The following MORF4L1 variants were observed in gnomAD, a reference collection of about 807,000 sequenced individuals.
The protein encoded by MORF4L1 is mortality factor 4-like protein 1.
Under a neutral mutation model 52.9 loss-of-function variants are expected in MORF4L1, and 4 were observed. The ratio of observed to expected loss-of-function variants is 0.08; its 90% CI spans 0.04 to 0.17. The LOEUF (loss-of-function observed/expected upper bound fraction) is 0.17, where lower values mean the gene tolerates loss of function less well. MORF4L1 is among the 10% of genes least tolerant of loss of function. The probability of loss-of-function intolerance (pLI) is 1.00; values close to 1 mark genes in which losing one functional copy is unlikely to be tolerated. For missense variants in MORF4L1, 214 were observed against 390.4 expected (o/e 0.55, Z 3.81); for synonymous variants, 123 against 134.8 (o/e 0.91, Z 0.61).
At position 78,887,141 on chromosome 15, in the gene MORF4L1, T is replaced by C. The variant is rs138116972; in HGVS notation, c.243-128T>C. ...GTTTTGTTTGATTTTTGTGGAAATA[T>C]CTCTGTCCAACTTGTTAAAAACTTG... On this transcript the variant is annotated intron_variant, in intron 4 of 11. Coordinates refer to ENST00000426013, the MANE Select transcript of MORF4L1 (RefSeq NM_006791.4). The C allele has an allele frequency of 4.2e-5, 30 of 721,620 alleles. No individual in the cohort carries two copies. In the South Asian group the frequency reaches 4.5e-4, roughly 11 times the overall value. The allele number at this position is 721,620 out of a possible 1,614,324, so 44.7% of individuals were successfully genotyped here.
At chr15:78,888,450 GAAAA>G (rs200295595) in intron 5 of MORF4L1, among the ~76,000 whole-genome samples, 1 of 136,670 alleles carries the variant, frequency 7.3e-6, no homozygotes, top group Admixed American at 7.2e-5. Context: ...CTTTTAAAAA[GAAAA>G]AAAAAAAAGT....
chr15:78,892,416 AT>A, intron 8 of MORF4L1, 103 bp downstream of exon 8: 1 of 652,034 alleles, frequency 1.5e-6, no homozygotes. Flanking sequence ...TTATTAAGGT[AT>A]GACTGATAAA....
intron 11 of MORF4L1, among the ~76,000 whole-genome samples, chr15:78,896,209 C>T (rs560242819): frequency 3.9e-5 from 6 of 152,108 alleles, no homozygotes; most frequent in African/African-American, 7.2e-5. Context: ...GAACTCCTGG[C>T]CTCAAATTTT....
rs71148578 is a variant in MORF4L1 at position 78,896,308 on chromosome 15, C to CTTTTTTTTTTTTT, written c.888-664_888-652dup. On this transcript the variant is annotated intron_variant, in intron 11 of 11. Transcript: ENST00000426013. The stretch of plus-strand genomic sequence containing the variant: ...ATTTTTTTCTTTTTTCTTTTCTTTT[C>CTTTTTTTTTTTTT]TTTTTTTTTTTTTTTTTTTTTTTGA... Among the ~76,000 whole-genome samples, 27 of 81,444 alleles carry CTTTTTTTTTTTTT rather than the reference C, an allele frequency of 3.3e-4. No individual in the cohort carries two copies. In the East Asian group the frequency reaches 6.0e-3, roughly 18 times the overall value. The allele number at this position is 81,444 out of a possible 152,430, so 53.4% of individuals were successfully genotyped here.
chr15:78,891,248 G>C, intron 6 of MORF4L1: 1 of 665,662 alleles, frequency 1.5e-6, no homozygotes, highest in Non-Finnish European at 2.6e-6. Context: ...CCACTGAGAA[G>C]ATAACATTTA....
At chr15:78,881,188 CCTTT>C (rs1471609290) in intron 3 of MORF4L1, among the ~76,000 whole-genome samples, 4 of 13,760 alleles carry the variant, frequency 2.9e-4, no homozygotes, top group Non-Finnish European at 4.0e-4. Context: ...AAGAGTTAAG[CCTTT>C]TTTTTTTTTT....
Position 78,891,515 on chromosome 15 carries a change from T to C in MORF4L1, c.381T>C (p.Ser127=). 1 of 1,614,132 alleles carries C rather than the reference T, an allele frequency of 6.2e-7. No individual in the cohort carries two copies. The highest frequency in any genetic ancestry group is 1.3e-5 in the African/African-American group (1 of 75,032). The part of the protein sequence containing the change: ...TPGNGDGGST[S]ETPQPPRKKR... ...GAAATGGAGATGGTGGCAGTACCAG[T>C]GAGACCCCTCAGCCTCCTCGGAAGA... Residue 127 remains serine, a synonymous_variant, in exon 7 of 12, where the codon AGT becomes AGC. Transcript: ENST00000426013.
In MORF4L1 at chr15:78,892,191, ACTC is replaced by A. The variant is rs766979493; in HGVS notation, c.439-15_439-13del. On this transcript the variant is annotated intron_variant, in intron 7 of 11. Transcript: ENST00000426013. Reference sequence around the variant, plus strand: ...TAGCAAGAAAGGTTAGGTTTTTAATACTCCTCCTGTTTCTGTTTAGGAGGAAAC... The same window carrying A: ...TAGCAAGAAAGGTTAGGTTTTTAATACTCCTGTTTCTGTTTAGGAGGAAAC... 7 of 1,545,684 alleles carry A rather than the reference ACTC, an allele frequency of 4.5e-6. No homozygotes were observed. Among genetic ancestry groups the A allele is most frequent in the Admixed American group, 1.7e-5 (1 of 57,944 alleles).
rs757341495 is a variant in MORF4L1 at position 78,894,106 on chromosome 15, C to T, written c.678C>T (p.Asn226=). 19 of 1,613,476 alleles carry T rather than the reference C, an allele frequency of 1.2e-5. No individual in the cohort carries two copies. Among genetic ancestry groups the T allele is most frequent in the East Asian group, 1.1e-4 (5 of 44,862 alleles). Residue 226 remains asparagine, a synonymous_variant, in exon 10 of 12, where the codon AAC becomes AAT. Transcript: ENST00000426013. ...TGGCAGGGATAAAAGAATACTTCAA[C>T]GTAATGTTGGGTACCCAGCTACTCT... The part of the protein sequence containing the change: ...EVVAGIKEYF[N]VMLGTQLLYK...
chr15:78,895,469 T>G (rs117838747), intron 11 of MORF4L1, among the ~76,000 whole-genome samples: 1,673 of 152,322 alleles, frequency 0.011, 12 homozygotes, highest in Non-Finnish European at 0.014. Flanking sequence ...TTTAAATGTT[T>G]GAAGAAATGG....
At chr15:78,884,203 C>CA (rs71451729) in intron 3 of MORF4L1, among the ~76,000 whole-genome samples, 25,806 of 114,564 alleles carry the variant, frequency 0.23, 2,988 homozygotes, top group Non-Finnish European at 0.29. Context: ...GACTCCATCT[C>CA]AAAAAAAAAA....
At chr15:78,882,116 A>G (rs750645219) in intron 3 of MORF4L1, among the ~76,000 whole-genome samples, 3 of 152,232 alleles carry the variant, frequency 2.0e-5, no homozygotes, top group Non-Finnish European at 4.4e-5. Context: ...ATAGAAGTGC[A>G]TCCTGACAAC....
intron 2 of MORF4L1, 21 bp downstream of exon 2, chr15:78,878,280 T>A (rs1567300588): frequency 6.2e-7 from 1 of 1,608,708 alleles, no homozygotes; most frequent in Non-Finnish European, 8.5e-7. Flanking sequence ...TGTTTTCTTT[T>A]GAGAAGTTGG....
intron 4 of MORF4L1, 122 bp from the exon 5 acceptor site, chr15:78,887,147 T>C: frequency 1.3e-6 from 1 of 756,864 alleles, no homozygotes; most frequent in Non-Finnish European, 2.2e-6. Flanking sequence ...AATATCTCTG[T>C]CCAACTTGTT....
chr15:78,877,396 A>T (rs1360913950), intron 1 of MORF4L1, among the ~76,000 whole-genome samples: 1 of 152,206 alleles, frequency 6.6e-6, no homozygotes, highest in Non-Finnish European at 1.5e-5. Context: ...ATGGGATTAC[A>T]GGCGTGAGCC....
At chr15:78,879,548 A>T (rs902700337) in intron 2 of MORF4L1, among the ~76,000 whole-genome samples, 8 of 152,110 alleles carry the variant, frequency 5.3e-5, no homozygotes, top group Admixed American at 5.2e-4. Context: ...GAAATCCTAA[A>T]ATGACTGAAT....
intron 3 of MORF4L1, among the ~76,000 whole-genome samples, chr15:78,881,171 C>T (rs1028352972): frequency 2.2e-5 from 3 of 136,838 alleles, no homozygotes; most frequent in African/African-American, 8.0e-5. Flanking sequence ...CTTAATTTCT[C>T]ACCCCTAAGA....
Position 78,890,941 on chromosome 15 carries a change from G to C in MORF4L1, c.324-48G>C, listed in dbSNP as rs759817013. ...CCTGATAAAGGGAGTTGAAACAGAG[G>C]CAGTTTTACTGGAAATAATTATTTT... is the stretch of plus-strand genomic sequence containing the variant. On this transcript the variant is annotated intron_variant, in intron 5 of 11. Coordinates refer to ENST00000426013, the MANE Select transcript of MORF4L1 (RefSeq NM_006791.4). 8.0e-6 allele frequency: 11 copies of C among 1,378,768 alleles called. No individual in the cohort carries two copies. In the African/African-American group the frequency reaches 1.6e-4, roughly 20 times the overall value. 85.4% of individuals were successfully genotyped at this position (1,378,768 alleles called of 1,614,324 possible). A position where few individuals can be genotyped will look rare whatever the true frequency, so the allele number is the denominator to read the frequency against.
At chr15:78,891,831 A>G (rs1450872117) in intron 7 of MORF4L1, 3 of 440,842 alleles carry the variant, frequency 6.8e-6, no homozygotes, top group East Asian at 7.4e-5. Context: ...GGTGTTACGT[A>G]TTTATTTTTA....
Sources: allele counts gnomAD v4.1 joint callset (sites outside exome capture counted in the v4.1 genomes callset), GRCh38; gene constraint gnomAD v4.1.1; transcripts MANE v1.5; gene names NCBI Gene and HGNC (gene_info 2026-07-23, HGNC 2026-07-21).